CNKSR1: variants seen among roughly 807,000 people sequenced by gnomAD.
The protein encoded by CNKSR1 is connector enhancer of kinase suppressor of Ras 1, also known as CNK homolog protein 1.
Under a neutral mutation model 95.6 loss-of-function variants are expected in CNKSR1, and 88 were observed. The ratio of observed to expected loss-of-function variants is 0.92; its 90% CI spans 0.78 to 1.10. The LOEUF (loss-of-function observed/expected upper bound fraction) is 1.10, where lower values mean the gene tolerates loss of function less well. Among genes scored for constraint, CNKSR1 ranks in the 50% least tolerant of loss-of-function variants. The pLI is 0.00. For missense variants in CNKSR1, 836 were observed against 912.0 expected, an observed-to-expected ratio of 0.92 and a Z score of 1.07; for synonymous variants, 355 against 369.7, an observed-to-expected ratio of 0.96 and a Z score of 0.46.
intron 9 of CNKSR1, 111 bp from the exon 10 acceptor site, chr1:26,183,960 C>T (rs1388556368): frequency 3.8e-6 from 2 of 530,596 alleles, no homozygotes; most frequent in African/African-American, 2.7e-5. Context: ...CCCCCTAGCT[C>T]CCTTCAGACC....
chr1:26,180,341 G>C, intron 1 of CNKSR1, 112 bp from the exon 2 acceptor site: 1 of 1,321,894 alleles, frequency 7.6e-7, no homozygotes, highest in South Asian at 1.2e-5. Context: ...CTGGGTGTCA[G>C]AGTTGTCATT....
intron 13 of CNKSR1, 55 bp from the exon 14 acceptor site, chr1:26,184,959 T>G: frequency 6.6e-7 from 1 of 1,524,128 alleles, no homozygotes; most frequent in Non-Finnish European, 8.8e-7. Flanking sequence ...GGAGTAGGTT[T>G]AGCGGGGGCA....
chr1:26,177,690 T>A, intron 1 of CNKSR1, 91 bp downstream of exon 1: 1 of 1,482,114 alleles, frequency 6.7e-7, no homozygotes, highest in East Asian at 2.3e-5. Context: ...AAAAAAAATC[T>A]GCGGACTGGG....
At position 26,180,928 on chromosome 1, in the gene CNKSR1, A is replaced by T. The variant is rs1047977670; in HGVS notation, c.392+32A>T. On this transcript the variant is annotated intron_variant, in intron 3 of 20. Coordinates refer to ENST00000361530, the MANE Select transcript of CNKSR1 (RefSeq NM_006314.3). Reference sequence around the variant, plus strand: ...GGGTTGGGGTGACGAGTGAGGGACTATTGTCATCCTTGGCCTCCTTCAGGG... The same window carrying T: ...GGGTTGGGGTGACGAGTGAGGGACTTTTGTCATCCTTGGCCTCCTTCAGGG... 16 of 1,612,938 alleles carry T rather than the reference A, an allele frequency of 9.9e-6. No individual in the cohort carries two copies. The South Asian group carries it at 1.8e-4, about 18-fold the overall frequency.
chr1:26,189,135 G>A, intron 20 of CNKSR1, 144 bp from the exon 21 acceptor site: 3 of 1,281,050 alleles, frequency 2.3e-6, no homozygotes, highest in South Asian at 2.4e-5. Context: ...TTCCGAGTGG[G>A]GATTTGAGTC....
intron 16 of CNKSR1, among the ~76,000 whole-genome samples, chr1:26,188,013 A>C (rs1476174793): frequency 6.6e-6 from 1 of 151,914 alleles, no homozygotes; most frequent in Non-Finnish European, 1.5e-5. Flanking sequence ...CTCCTGCCTC[A>C]GCTTCCCAAA....
chr1:26,187,673 A>C (rs989477843), intron 16 of CNKSR1, among the ~76,000 whole-genome samples, 191 bp downstream of exon 16: 24 of 135,168 alleles, frequency 1.8e-4, no homozygotes, highest in Admixed American at 2.5e-4. Flanking sequence ...CCCAGGCTGG[A>C]GTGCAGTGGC....
Position 26,177,549 on chromosome 1 carries a change from TGGAACC to T in CNKSR1, c.5_10del (p.GluPro2_?3). 1.9e-6 allele frequency: 3 copies of T among 1,613,906 alleles called. No homozygotes were observed. In the South Asian group the frequency reaches 3.3e-5, roughly 18 times the overall value. On this transcript the variant is annotated start_lost and inframe_deletion, in exon 1 of 21. Coordinates refer to ENST00000361530, the MANE Select transcript of CNKSR1 (RefSeq NM_006314.3). ...GATTCGAGCTGGCAGAGCTGGGCCA[TGGAACC>T]GGTAGAGACCTGGACCCCCGGAAAG...
intron 9 of CNKSR1, 39 bp downstream of exon 9, chr1:26,183,869 C>G (rs754827842): frequency 1.8e-6 from 1 of 554,722 alleles, no homozygotes; most frequent in Non-Finnish European, 3.0e-6. Flanking sequence ...CCTTCAGACC[C>G]CCCCCTCCAC....
rs985585911 is a variant in CNKSR1, at chr1:26,188,972, G to A, written c.1872+19G>A. The A allele has an allele frequency of 1.5e-5, 24 of 1,612,184 alleles. No individual in the cohort carries two copies. The African/African-American group carries it at 2.9e-4, about 20-fold the overall frequency. On this transcript the variant is annotated intron_variant, in intron 20 of 20. Transcript: ENST00000361530. Reference sequence around the variant, plus strand: ...ACTCAAGGTCAGCTGGGGGGCTCTGGGCACAGCAAGGGACTAGGCTCTGGG... The same window carrying A: ...ACTCAAGGTCAGCTGGGGGGCTCTGAGCACAGCAAGGGACTAGGCTCTGGG...
chr1:26,188,398 C>A, intron 17 of CNKSR1, 44 bp from the exon 18 acceptor site: 1 of 1,607,092 alleles, frequency 6.2e-7, no homozygotes, highest in East Asian at 2.2e-5. Context: ...TGCCCTAGGC[C>A]ACTCCCTGGC....
chr1:26,182,502 G>T lies in CNKSR1; in HGVS notation c.542G>T (p.Cys181Phe), dbSNP rs1202713488. Residue 181 changes from cysteine (C) to phenylalanine (F), a missense_variant, in exon 6 of 21, where the codon TGC (cysteine) becomes TTC (phenylalanine). Coordinates refer to ENST00000361530, the MANE Select transcript of CNKSR1 (RefSeq NM_006314.3). ...LRICSHVAGI[C>F]HNILVCCPKE... ...CAGTGCAGCCACGTGGCTGGGATCTGCCACAACATCCTGGTCTGCTGCCCC... is the reference window on the plus strand; with the variant it reads ...CAGTGCAGCCACGTGGCTGGGATCTTCCACAACATCCTGGTCTGCTGCCCC... 1.2e-6 allele frequency: 2 copies of T among 1,614,046 alleles called. No homozygotes were observed. The highest frequency in any genetic ancestry group is 2.2e-5 in the East Asian group (1 of 44,872).
Position 26,177,616 on chromosome 1 carries a change from T to G in CNKSR1, c.52+17T>G, listed in dbSNP as rs1216558763. On this transcript the variant is annotated intron_variant, in intron 1 of 20. Transcript: ENST00000361530. Reference sequence around the variant, plus strand: ...GGCTGAGAGGTGGGTGGGGCTGGGGTAGAGTTGGGCTTGAAGGGGACTAGG... The same window carrying G: ...GGCTGAGAGGTGGGTGGGGCTGGGGGAGAGTTGGGCTTGAAGGGGACTAGG... 1 of 1,612,444 alleles carries G rather than the reference T, an allele frequency of 6.2e-7. No homozygotes were observed. The highest frequency in any genetic ancestry group is 8.5e-7 in the Non-Finnish European group (1 of 1,179,590).
intron 9 of CNKSR1, 43 bp downstream of exon 9, chr1:26,183,873 C>A (rs534286518): frequency 7.0e-4 from 383 of 544,778 alleles, no homozygotes; most frequent in Admixed American, 1.2e-3. Flanking sequence ...CAGACCCCCC[C>A]CTCCACAGGT....
rs1484402290 is a variant in CNKSR1 at position 26,184,582 on chromosome 1, C to T, written c.1108-3C>T. The stretch of plus-strand genomic sequence containing the variant: ...TTCTCTCACCCTTCTGCTGTCCTTT[C>T]AGAGTCCTGTTGGTCGGAAGAAATC... On this transcript the variant is annotated splice_region_variant and splice_polypyrimidine_tract_variant and intron_variant, in intron 12 of 20. Transcript: ENST00000361530. 1 of 1,608,056 alleles carries T rather than the reference C, an allele frequency of 6.2e-7. No individual in the cohort carries two copies. Among genetic ancestry groups the T allele is most frequent in the Non-Finnish European group, 8.5e-7 (1 of 1,177,538 alleles).
At position 26,178,672 on chromosome 1, in the gene CNKSR1, C is replaced by T. The variant is rs142776458; in HGVS notation, c.52+1073C>T. On this transcript the variant is annotated intron_variant, in intron 1 of 20. Coordinates refer to ENST00000361530, the MANE Select transcript of CNKSR1 (RefSeq NM_006314.3). ...GGCTGGATTCCAGGCCCACCCCCAC[C>T]GCTTGCCAGCTCTGTGACCATAGGT... Among the ~76,000 whole-genome samples the T allele has an allele frequency of 6.6e-5, 10 of 152,342 alleles. No individual in the cohort carries two copies. The East Asian group carries it at 1.9e-3, about 29-fold the overall frequency.
At chr1:26,180,322 CA>C in intron 1 of CNKSR1, 130 bp from the exon 2 acceptor site, 3 of 1,136,880 alleles carry the variant, frequency 2.6e-6, no homozygotes. Context: ...GTGAAATGGG[CA>C]GAACAGCCTG....
At chr1:26,187,516 A>G (rs1218611025) in intron 16 of CNKSR1, 34 bp downstream of exon 16, 1 of 1,605,016 alleles carries the variant, frequency 6.2e-7, no homozygotes, top group Non-Finnish European at 8.5e-7. Context: ...CTACTCTCAT[A>G]TGATTCCCAA....
chr1:26,189,819 G>A lies in CNKSR1; in HGVS notation c.*271G>A, dbSNP rs549088384. ...GGCAGTTCTCCCCCAAACCAGGTCT[G>A]TACAGGTGTTCTTTATTTTACATGA... On this transcript the variant is annotated 3_prime_UTR_variant, in exon 21 of 21. Transcript: ENST00000361530. 14 of 665,556 alleles carry A rather than the reference G, an allele frequency of 2.1e-5. No individual in the cohort carries two copies. In the African/African-American group the frequency reaches 2.5e-4, roughly 12 times the overall value. The allele number at this position is 665,556 out of a possible 1,614,324, so 41.2% of individuals were successfully genotyped here. A position where few individuals can be genotyped will look rare whatever the true frequency, so the allele number is the denominator to read the frequency against.
Sources: gnomAD v4.1 joint callset for allele counts (sites outside exome capture counted in the v4.1 genomes callset) on GRCh38, gnomAD v4.1.1 for gene constraint, MANE v1.5 for transcripts, NCBI Gene and HGNC (gene_info 2026-07-23, HGNC 2026-07-21) for gene names.